Variants in EFNA5 observed in about 807,000 individuals in gnomAD.
The protein encoded by EFNA5 is ephrin A5.
In EFNA5, 5 loss-of-function variants were observed where a neutral mutation model predicts 22.9. That is an observed-to-expected ratio of 0.22 (90% CI 0.11 to 0.46). The LOEUF is 0.46. EFNA5 is among the 20% of genes least tolerant of loss of function. The pLI is 0.99. For missense variants in EFNA5, 237 were observed against 293.3 expected (o/e 0.81, Z 1.40); for synonymous variants, 113 against 112.2 (o/e 1.01, Z -0.04).
At chr5:107,545,776 T>C (rs1748133401) in intron 1 of EFNA5, among the ~76,000 whole-genome samples, 1 of 152,166 alleles carries the variant, frequency 6.6e-6, no homozygotes, top group South Asian at 2.1e-4. Flanking sequence ...TCAACTCGGC[T>C]TCAACAGGCC....
At chr5:107,498,207 AGCCCG>A (rs1747037901) in intron 1 of EFNA5, among the ~76,000 whole-genome samples, 1 of 152,250 alleles carries the variant, frequency 6.6e-6, no homozygotes, top group Admixed American at 6.5e-5. Flanking sequence ...TGAGCCAACA[AGCCCG>A]GCCTACAATT....
chr5:107,470,799 G>C (rs757349110), intron 1 of EFNA5, among the ~76,000 whole-genome samples: 23 of 152,100 alleles, frequency 1.5e-4, no homozygotes, highest in Non-Finnish European at 3.2e-4. Context: ...ACAAGGCGGA[G>C]GCAGGAGAAT....
chr5:107,656,423 A>G (rs1280141428), intron 1 of EFNA5, among the ~76,000 whole-genome samples: 2 of 152,148 alleles, frequency 1.3e-5, no homozygotes, highest in African/African-American at 4.8e-5. Context: ...TGTACAAATC[A>G]TCTCTCAGGA....
chr5:107,431,188 T>C (rs568557531), intron 1 of EFNA5, among the ~76,000 whole-genome samples: 1 of 152,334 alleles, frequency 6.6e-6, no homozygotes, highest in South Asian at 2.1e-4. Flanking sequence ...TTTAGTAATG[T>C]ACATTTCAAA....
At chr5:107,567,368 C>T (rs1317635831) in intron 1 of EFNA5, among the ~76,000 whole-genome samples, 1 of 152,130 alleles carries the variant, frequency 6.6e-6, no homozygotes, top group Non-Finnish European at 1.5e-5. Context: ...AATCAACAAC[C>T]CTGGCTTCCA....
At chr5:107,643,096 A>C (rs1474931142) in intron 1 of EFNA5, among the ~76,000 whole-genome samples, 1 of 152,166 alleles carries the variant, frequency 6.6e-6, no homozygotes, top group East Asian at 1.9e-4. Flanking sequence ...CTCAAAAAAC[A>C]ACAGGAGGCA....
At chr5:107,622,690 G>A (rs1352028100) in intron 1 of EFNA5, among the ~76,000 whole-genome samples, 2 of 152,092 alleles carry the variant, frequency 1.3e-5, no homozygotes, top group Admixed American at 1.3e-4. Context: ...AGAAAATTCA[G>A]GTGGATTGAA....
chr5:107,576,619 C>T (rs972337535), intron 1 of EFNA5, among the ~76,000 whole-genome samples: 1 of 152,178 alleles, frequency 6.6e-6, no homozygotes, highest in Admixed American at 6.5e-5. Context: ...GTATACATGA[C>T]TTTATCAATT....
At chr5:107,490,659 G>C (rs137969193) in intron 1 of EFNA5, among the ~76,000 whole-genome samples, 2 of 152,144 alleles carry the variant, frequency 1.3e-5, no homozygotes, top group African/African-American at 4.8e-5. Context: ...CTTTGGCAGG[G>C]AACATTAACC....
intron 1 of EFNA5, among the ~76,000 whole-genome samples, chr5:107,500,950 T>G (rs1339740562): frequency 6.6e-6 from 1 of 151,882 alleles, no homozygotes; most frequent in African/African-American, 2.4e-5. Flanking sequence ...GGAAGAAACC[T>G]GTGAACAAGT....
intron 2 of EFNA5, among the ~76,000 whole-genome samples, chr5:107,398,844 G>C (rs1186479275): frequency 8.6e-6 from 1 of 116,096 alleles, no homozygotes; most frequent in Non-Finnish European, 1.6e-5. Context: ...GACAGAATGA[G>C]ACACTGCCTC....
chr5:107,529,397 A>G (rs1747764355), intron 1 of EFNA5, among the ~76,000 whole-genome samples: 1 of 152,096 alleles, frequency 6.6e-6, no homozygotes, highest in South Asian at 2.1e-4. Context: ...CCGTAGCCCA[A>G]AAAAACCAAC....
chr5:107,439,174 C>A (rs55782218), intron 1 of EFNA5, among the ~76,000 whole-genome samples: 2,379 of 152,162 alleles, frequency 0.016, 26 homozygotes, highest in Middle Eastern at 0.02. Flanking sequence ...AAGGGTGGGG[C>A]CCTAATCCAA....
chr5:107,413,004 A>G (rs1748411492), intron 2 of EFNA5, among the ~76,000 whole-genome samples: 1 of 152,194 alleles, frequency 6.6e-6, no homozygotes, highest in South Asian at 2.1e-4. Flanking sequence ...ATTAATTTTG[A>G]CAGAAACTAG....
intron 1 of EFNA5, among the ~76,000 whole-genome samples, chr5:107,569,533 ATATATATATGTGTG>A (rs1748738729): frequency 7.7e-6 from 1 of 130,506 alleles, no homozygotes; most frequent in Non-Finnish European, 1.6e-5. Flanking sequence ...ATATATATTT[ATATATATATGTGTG>A]TATATATATA....
chr5:107,420,454 C>T (rs950587715), intron 2 of EFNA5, among the ~76,000 whole-genome samples: 9 of 149,846 alleles, frequency 6.0e-5, no homozygotes, highest in African/African-American at 2.2e-4. Flanking sequence ...GCCCAAGTTC[C>T]CACAGCTAGT....
chr5:107,449,159 C>T (rs945753754), intron 1 of EFNA5, among the ~76,000 whole-genome samples: 6 of 152,072 alleles, frequency 3.9e-5, no homozygotes, highest in African/African-American at 7.2e-5. Flanking sequence ...ATTTCAGAAG[C>T]CAAATGATAC....
chr5:107,629,983 G>A (rs998897370), intron 1 of EFNA5, among the ~76,000 whole-genome samples: 12 of 151,660 alleles, frequency 7.9e-5, no homozygotes, highest in Non-Finnish European at 2.9e-5. Flanking sequence ...TTGAACCTGG[G>A]AGGCGGAGGT....
At chr5:107,426,870 A>C (rs1298434436) in intron 2 of EFNA5, 1 of 244,108 alleles carries the variant, frequency 4.1e-6, no homozygotes, top group Non-Finnish European at 8.0e-6. Flanking sequence ...AATGACTCCA[A>C]GCTATGTAAA....
Sources: allele counts gnomAD v4.1 joint callset (sites outside exome capture counted in the v4.1 genomes callset), GRCh38; gene constraint gnomAD v4.1.1; transcripts MANE v1.5; gene names NCBI Gene and HGNC (gene_info 2026-07-23, HGNC 2026-07-21).